The following TMEM245 variants were observed in gnomAD, a reference collection of about 807,000 sequenced individuals.
The protein encoded by TMEM245 is protein CG-2.
TMEM245 carries 69 observed loss-of-function variants against 101.2 expected under a neutral mutation model. The ratio of observed to expected loss-of-function variants is 0.68; its 90% CI spans 0.56 to 0.83. The LOEUF (loss-of-function observed/expected upper bound fraction) is 0.83. Among genes scored for constraint, TMEM245 ranks in the 40% least tolerant of loss-of-function variants. The pLI is 0.00. For synonymous variants in TMEM245, 537 were observed against 449.8 expected (o/e 1.19, Z -2.45); for missense variants, 1,075 against 1,092.8 (o/e 0.98, Z 0.23).
chr9:109,035,028 A>C (rs1588022104), intron 16 of TMEM245, among the ~76,000 whole-genome samples: 1 of 151,764 alleles, frequency 6.6e-6, no homozygotes, highest in East Asian at 2.0e-4. Flanking sequence ...GTGGTGGTGC[A>C]CGCCTGTAAT....
intron 14 of TMEM245, among the ~76,000 whole-genome samples, chr9:109,045,790 T>C (rs1588030780): frequency 6.6e-6 from 1 of 152,210 alleles, no homozygotes; most frequent in Admixed American, 6.5e-5. Context: ...CTTTACTGTC[T>C]TGATTATTAT....
chr9:109,086,687 C>T lies in TMEM245; in HGVS notation c.1320+486G>A, dbSNP rs532269047. Among the ~76,000 whole-genome samples the T allele has an allele frequency of 5.3e-5, 8 of 152,304 alleles. No homozygotes were observed. In the South Asian group the frequency reaches 1.7e-3, roughly 32 times the overall value. ...ATTCATAGTCCATGCTCTTTAACCA[C>T]TAAGGCTCTAAATCTAACCGCCATC... is the stretch of plus-strand genomic sequence containing the variant. On this transcript the variant is annotated intron_variant, in intron 6 of 17. Transcript: ENST00000374586.
At chr9:109,095,986 G>A (rs1422776728) in intron 3 of TMEM245, among the ~76,000 whole-genome samples, 1 of 152,204 alleles carries the variant, frequency 6.6e-6, no homozygotes, top group African/African-American at 2.4e-5. Context: ...AGCCACAACA[G>A]GGGAAACAGG....
intron 9 of TMEM245, among the ~76,000 whole-genome samples, chr9:109,069,567 C>G (rs145313070): frequency 1.1e-3 from 175 of 152,294 alleles, no homozygotes; most frequent in African/African-American, 4.1e-3. Flanking sequence ...CCACTGAACT[C>G]ACAGTATTTA....
Position 109,119,836 on chromosome 9 carries a change from C to A in TMEM245, c.78G>T (p.Ala26=), listed in dbSNP as rs1232097268. The A allele has an allele frequency of 1.5e-6, 2 of 1,350,540 alleles. No individual in the cohort carries two copies. The highest frequency in any genetic ancestry group is 4.0e-5 in the Admixed American group (1 of 25,080). 83.7% of individuals were successfully genotyped at this position (1,350,540 alleles called of 1,614,324 possible). A position where few individuals can be genotyped will look rare whatever the true frequency, so the allele number is the denominator to read the frequency against. Residue 26 remains alanine, a synonymous_variant, in exon 1 of 18, where the codon GCG becomes GCT. Coordinates refer to ENST00000374586, the MANE Select transcript of TMEM245 (RefSeq NM_032012.4). ...SPGPAPRVPR[A]VGPSGGGGET... is the part of the protein sequence containing the mutation. ...CCCCGCCACCGCCACTCGGCCCGAC[C>A]GCGCGCGGGACCCGCGGCGCCGGCC...
chr9:109,074,727 C>A (rs1225036254), intron 8 of TMEM245, among the ~76,000 whole-genome samples: 3 of 152,072 alleles, frequency 2.0e-5, no homozygotes, highest in Non-Finnish European at 4.4e-5. Flanking sequence ...AAGTCACATA[C>A]CAACCCAGAA....
At chr9:109,111,581 C>A (rs149205649) in intron 1 of TMEM245, among the ~76,000 whole-genome samples, 1 of 152,028 alleles carries the variant, frequency 6.6e-6, no homozygotes, top group Admixed American at 6.5e-5. Context: ...AAATATACTC[C>A]CCAATTCTAC....
chr9:109,016,022 A>C lies in TMEM245; in HGVS notation c.*4438T>G. On this transcript the variant is annotated 3_prime_UTR_variant, in exon 18 of 18. Transcript: ENST00000374586. ...TTTATTACACACTACATGGTACCAC[A>C]GTAATAGATCTGCCATTCAGTATTT... 1 of 152,616 alleles carries C rather than the reference A, an allele frequency of 6.6e-6. No homozygotes were observed. The highest frequency in any genetic ancestry group is 1.9e-4 in the East Asian group (1 of 5,198). 9.5% of individuals were successfully genotyped at this position (152,616 alleles called of 1,614,324 possible).
chr9:109,050,169 G>A, intron 14 of TMEM245, 114 bp downstream of exon 14: 1 of 1,181,986 alleles, frequency 8.5e-7, no homozygotes, highest in Non-Finnish European at 1.2e-6. Context: ...GAAAATACCA[G>A]AGTCCATCAC....
At chr9:109,104,152 T>C (rs1489410283) in intron 3 of TMEM245, among the ~76,000 whole-genome samples, 1 of 152,020 alleles carries the variant, frequency 6.6e-6, no homozygotes, top group Non-Finnish European at 1.5e-5. Context: ...GTGACTATAG[T>C]CAATAATTTA....
At chr9:109,023,699 G>T (rs1827707180) in intron 17 of TMEM245, among the ~76,000 whole-genome samples, 1 of 152,096 alleles carries the variant, frequency 6.6e-6, no homozygotes. Context: ...AGCCGGGCGT[G>T]GTCGCGGGCG....
At chr9:109,109,635 C>G (rs900079715) in intron 1 of TMEM245, among the ~76,000 whole-genome samples, 1 of 152,098 alleles carries the variant, frequency 6.6e-6, no homozygotes, top group Non-Finnish European at 1.5e-5. Flanking sequence ...AACTTTCAGA[C>G]TTTATCCTTA....
At chr9:109,074,400 C>T (rs1054022381) in intron 8 of TMEM245, among the ~76,000 whole-genome samples, 1 of 152,148 alleles carries the variant, frequency 6.6e-6, no homozygotes, top group Non-Finnish European at 1.5e-5. Flanking sequence ...ACAGCTCACT[C>T]CTAAACTGAC....
chr9:109,104,878 C>T (rs1004974239), intron 3 of TMEM245, among the ~76,000 whole-genome samples: 1 of 152,008 alleles, frequency 6.6e-6, no homozygotes, highest in Non-Finnish European at 1.5e-5. Flanking sequence ...GGATCAATGA[C>T]CTAAATATAA....
intron 7 of TMEM245, among the ~76,000 whole-genome samples, chr9:109,085,631 A>C (rs1727242054): frequency 6.6e-6 from 1 of 152,256 alleles, no homozygotes; most frequent in Non-Finnish European, 1.5e-5. Context: ...TATCAAACAG[A>C]GAGTTCTCTC....
chr9:109,073,488 A>C (rs1177383175), intron 8 of TMEM245, 50 bp from the exon 9 acceptor site: 1 of 1,364,992 alleles, frequency 7.3e-7, no homozygotes, highest in Non-Finnish European at 1.0e-6. Flanking sequence ...AATAAACCCA[A>C]TTTAACATTT....
chr9:109,015,599 A>G lies in TMEM245; in HGVS notation c.*4861T>C, dbSNP rs1827417894. The G allele has an allele frequency of 6.6e-6, 1 of 152,652 alleles. No homozygotes were observed. The highest frequency in any genetic ancestry group is 1.5e-5 in the Non-Finnish European group (1 of 68,038). The allele number at this position is 152,652 out of a possible 1,614,324, so 9.5% of individuals were successfully genotyped here. On this transcript the variant is annotated 3_prime_UTR_variant, in exon 18 of 18. Coordinates refer to ENST00000374586, the MANE Select transcript of TMEM245 (RefSeq NM_032012.4). ...ACTGTAAAATAAAAAGCTAGCAAAA[A>G]GCTAGTAAGAAACCAGATGTCTAGT...
chr9:109,033,343 G>A lies in TMEM245; in HGVS notation c.2558C>T (p.Thr853Met), dbSNP rs762873451. ...AGCAGGCCATGGGGTCTGGTTTGGCGTGGGAACTGAATTCGTGGGACTCAC... is the reference window on the plus strand; with the variant it reads ...AGCAGGCCATGGGGTCTGGTTTGGCATGGGAACTGAATTCGTGGGACTCAC... ...MLVSPTNSVP[T>M]PNQTPWPAQP... Residue 853 changes from threonine to methionine, a missense_variant, in exon 17 of 18, where the codon ACG becomes ATG. By Grantham distance (81) the Thr-to-Met change is moderately conservative. Transcript: ENST00000374586. The A allele has an allele frequency of 8.7e-5, 140 of 1,613,316 alleles. No homozygotes were observed. Among genetic ancestry groups the A allele is most frequent in the Middle Eastern group, 1.7e-4 (1 of 6,058 alleles).
intron 17 of TMEM245, among the ~76,000 whole-genome samples, chr9:109,022,982 G>A (rs1040106382): frequency 6.6e-6 from 1 of 152,152 alleles, no homozygotes; most frequent in Non-Finnish European, 1.5e-5. Context: ...TAAGATTAAG[G>A]CTATGGTTAG....
Sources: allele counts gnomAD v4.1 joint callset (sites outside exome capture counted in the v4.1 genomes callset), GRCh38; gene constraint gnomAD v4.1.1; transcripts MANE v1.5; gene names NCBI Gene and HGNC (gene_info 2026-07-23, HGNC 2026-07-21).